The following FBXL7 variants were observed in gnomAD, a reference collection of about 807,000 sequenced individuals.
FBXL7 encodes the protein F-box and leucine rich repeat protein 7.
A neutral mutation model predicts 38.3 loss-of-function variants in FBXL7; 12 were observed. The ratio of observed to expected loss-of-function variants is 0.31; its 90% CI spans 0.20 to 0.51. The LOEUF is 0.51. Ranked by LOEUF, FBXL7 falls within the 20% of genes least tolerant of loss-of-function variation. FBXL7 has a pLI of 0.98. For synonymous variants in FBXL7, 297 were observed against 300.9 expected (o/e 0.99, Z 0.13); for missense variants, 567 against 676.4 (o/e 0.84, Z 1.79).
chr5:15,502,810 G>T (rs1736534349), intron 1 of FBXL7, among the ~76,000 whole-genome samples: 1 of 152,170 alleles, frequency 6.6e-6, no homozygotes, highest in Admixed American at 6.5e-5. Flanking sequence ...CTCAGGTGTG[G>T]CAGTGCCATC....
At chr5:15,687,634 G>A (rs1579378516) in intron 2 of FBXL7, among the ~76,000 whole-genome samples, 1 of 152,292 alleles carries the variant, frequency 6.6e-6, no homozygotes, top group East Asian at 1.9e-4. Flanking sequence ...AATTCAGCGG[G>A]AAATGGGAAG....
At chr5:15,877,486 G>A (rs994649649) in intron 2 of FBXL7, among the ~76,000 whole-genome samples, 1 of 152,164 alleles carries the variant, frequency 6.6e-6, no homozygotes, top group African/African-American at 2.4e-5. Context: ...AAGAGATGCA[G>A]TTGGGATGAT....
At chr5:15,519,919 T>G (rs897031819) in intron 1 of FBXL7, among the ~76,000 whole-genome samples, 1 of 152,182 alleles carries the variant, frequency 6.6e-6, no homozygotes, top group African/African-American at 2.4e-5. Context: ...AGCAAGTTTA[T>G]GAAGAAAGTA....
At chr5:15,671,857 C>T (rs1742488405) in intron 2 of FBXL7, among the ~76,000 whole-genome samples, 1 of 152,150 alleles carries the variant, frequency 6.6e-6, no homozygotes, top group Admixed American at 6.5e-5. Flanking sequence ...TCTGATCAAT[C>T]TCATAAATGG....
intron 2 of FBXL7, among the ~76,000 whole-genome samples, chr5:15,809,290 C>T (rs1175569919): frequency 6.6e-6 from 1 of 152,128 alleles, no homozygotes; most frequent in Non-Finnish European, 1.5e-5. Context: ...CTTGCAGACT[C>T]CTTCAGGGGT....
intron 1 of FBXL7, among the ~76,000 whole-genome samples, chr5:15,542,754 A>C (rs1322331274): frequency 1.3e-5 from 2 of 152,218 alleles, no homozygotes; most frequent in African/African-American, 4.8e-5. Context: ...AATCTAAAGC[A>C]TTCTAAATGG....
rs117842489 is a variant in FBXL7 at position 15,679,254 on chromosome 5, A to T, written c.127+63182A>T. Among the ~76,000 whole-genome samples, 24 of 152,324 alleles carry T rather than the reference A, an allele frequency of 1.6e-4. No individual in the cohort carries two copies. In the East Asian group the frequency reaches 4.1e-3, roughly 26 times the overall value. ...TTGAAACTTGGTTGTTTTTTCAACA[A>T]TCCTCCCTGAAAGACAAGACCAAAG... On this transcript the variant is annotated intron_variant, in intron 2 of 3. Transcript: ENST00000504595.
intron 2 of FBXL7, among the ~76,000 whole-genome samples, chr5:15,895,471 G>A (rs1301602293): frequency 6.6e-6 from 1 of 152,028 alleles, no homozygotes; most frequent in Admixed American, 6.6e-5. Context: ...AGAAGAATAT[G>A]AGATTAAAAT....
At chr5:15,923,781 A>T (rs1437512789) in intron 2 of FBXL7, among the ~76,000 whole-genome samples, 1 of 152,156 alleles carries the variant, frequency 6.6e-6, no homozygotes, top group East Asian at 1.9e-4. Context: ...GGTAAAAGAG[A>T]CATCCAGCTT....
At chr5:15,514,166 G>A (rs1736872277) in intron 1 of FBXL7, among the ~76,000 whole-genome samples, 1 of 152,190 alleles carries the variant, frequency 6.6e-6, no homozygotes, top group Non-Finnish European at 1.5e-5. Context: ...AAGGAAAATT[G>A]CCTCACAAGG....
chr5:15,779,472 C>T (rs1736938059), intron 2 of FBXL7, among the ~76,000 whole-genome samples: 1 of 151,786 alleles, frequency 6.6e-6, no homozygotes, highest in Non-Finnish European at 1.5e-5. Context: ...AACTAGAGTA[C>T]ATAAATGAAA....
In FBXL7 at chr5:15,698,326, T is replaced by A. The variant is rs1441724171; in HGVS notation, c.127+82254T>A. ...TATCTTTAACCCTGAGTTTACTAAG[T>A]TGCATACAAATTAAGCATATGCATG... On this transcript the variant is annotated intron_variant, in intron 2 of 3. Coordinates refer to ENST00000504595, the MANE Select transcript of FBXL7 (RefSeq NM_012304.5). Among the ~76,000 whole-genome samples the A allele has an allele frequency of 2.6e-5, 4 of 152,318 alleles. No individual in the cohort carries two copies. The East Asian group carries it at 7.7e-4, about 29-fold the overall frequency.
At chr5:15,769,466 C>T (rs754726311) in intron 2 of FBXL7, among the ~76,000 whole-genome samples, 1 of 152,168 alleles carries the variant, frequency 6.6e-6, no homozygotes, top group Admixed American at 6.5e-5. Context: ...TAGACTTTCT[C>T]TTCTGAAGTG....
At chr5:15,822,298 G>C (rs1738191433) in intron 2 of FBXL7, among the ~76,000 whole-genome samples, 2 of 151,212 alleles carry the variant, frequency 1.3e-5, no homozygotes, top group Non-Finnish European at 3.0e-5. Context: ...GGAGGCAGAG[G>C]TTGCAGTGAG....
intron 2 of FBXL7, among the ~76,000 whole-genome samples, chr5:15,631,735 G>A (rs1201608442): frequency 6.8e-6 from 1 of 146,392 alleles, no homozygotes; most frequent in Non-Finnish European, 1.5e-5. Context: ...GTGAAAAAGA[G>A]AGTTCAGAGG....
chr5:15,676,838 G>A (rs997253459), intron 2 of FBXL7, among the ~76,000 whole-genome samples: 23 of 152,198 alleles, frequency 1.5e-4, no homozygotes, highest in African/African-American at 5.1e-4. Context: ...CCAAGTAAAT[G>A]TTCCATATGT....
Position 15,781,432 on chromosome 5 carries a change from A to AGTGTGT in FBXL7, c.128-146446_128-146441dup, listed in dbSNP as rs139787474. On this transcript the variant is annotated intron_variant, in intron 2 of 3. Transcript: ENST00000504595. ...GGATGGGGAAAGGAGAAATTGTGTG[A>AGTGTGT]GTGTGTGTGTGTGTGTGCGCGCGCG... 2.9e-3 allele frequency among the ~76,000 whole-genome samples: 417 copies of AGTGTGT among 143,748 alleles called. 3 individuals are homozygous for AGTGTGT. The highest frequency in any genetic ancestry group is 0.01 in the African/African-American group (399 of 39,896). The allele number at this position is 143,748 out of a possible 152,430, so 94.3% of individuals were successfully genotyped here. A position where few individuals can be genotyped will look rare whatever the true frequency, so the allele number is the denominator to read the frequency against.
intron 2 of FBXL7, among the ~76,000 whole-genome samples, chr5:15,892,301 C>T (rs956976309): frequency 6.6e-6 from 1 of 152,150 alleles, no homozygotes; most frequent in Non-Finnish European, 1.5e-5. Flanking sequence ...GGTTGACACA[C>T]GGTAGGGGCA....
At chr5:15,592,495 A>G (rs1462314990) in intron 1 of FBXL7, among the ~76,000 whole-genome samples, 1 of 152,196 alleles carries the variant, frequency 6.6e-6, no homozygotes, top group Non-Finnish European at 1.5e-5. Flanking sequence ...GCTTGACGCC[A>G]TCACAAATAT....
Sources: gnomAD v4.1 joint callset for allele counts (sites outside exome capture counted in the v4.1 genomes callset) on GRCh38, gnomAD v4.1.1 for gene constraint, MANE v1.5 for transcripts, NCBI Gene and HGNC (gene_info 2026-07-23, HGNC 2026-07-21) for gene names.